ODR4: variants seen among roughly 807,000 people sequenced by gnomAD.
The protein encoded by ODR4 is protein odr-4 homolog.
In ODR4, 47 loss-of-function variants were observed where a neutral mutation model predicts 60.2. That is an observed-to-expected ratio of 0.78 (90% CI 0.62 to 1.00). The LOEUF is 1.00. Among genes scored for constraint, ODR4 ranks in the 50% least tolerant of loss-of-function variants. The pLI, the probability that ODR4 is intolerant of heterozygous loss-of-function variation, is 0.00. For missense variants in ODR4, 488 were observed against 530.8 expected, an observed-to-expected ratio of 0.92 and a Z score of 0.79; for synonymous variants, 178 against 175.5, an observed-to-expected ratio of 1.01 and a Z score of -0.11.
chr1:186,378,632 G>A (rs560225022), intron 1 of ODR4, among the ~76,000 whole-genome samples: 3 of 152,170 alleles, frequency 2.0e-5, no homozygotes, highest in East Asian at 1.9e-4. Flanking sequence ...CATTATGAGC[G>A]TGGTGTTGAA....
At chr1:186,383,678 G>GAGATATAT (rs141878801) in intron 3 of ODR4, among the ~76,000 whole-genome samples, 5 of 140,770 alleles carry the variant, frequency 3.6e-5, no homozygotes, top group African/African-American at 1.3e-4. Flanking sequence ...TGTGTATGTA[G>GAGATATAT]ATATATATAT....
At chr1:186,418,222 T>A (rs186115937) in intron 13 of ODR4, among the ~76,000 whole-genome samples, 1 of 152,040 alleles carries the variant, frequency 6.6e-6, no homozygotes, top group South Asian at 2.1e-4. Context: ...TAAATTTAAT[T>A]AATTTTTTTG....
chr1:186,433,591 A>T, the ODR4 span, among the ~76,000 whole-genome samples: 1 of 151,840 alleles, frequency 6.6e-6, no homozygotes, highest in African/African-American at 2.4e-5. Context: ...TTTTATTATT[A>T]TTATTTTGAG....
intron 2 of ODR4, among the ~76,000 whole-genome samples, chr1:186,382,105 A>G (rs985055628): frequency 1.3e-5 from 2 of 152,064 alleles, no homozygotes; most frequent in African/African-American, 2.4e-5. Context: ...TACTTAACTG[A>G]TATTACAGCT....
chr1:186,379,547 C>G (rs1558055984), intron 1 of ODR4, among the ~76,000 whole-genome samples: 1 of 151,716 alleles, frequency 6.6e-6, no homozygotes, highest in African/African-American at 2.4e-5. Context: ...CATGTCAACT[C>G]TGGTTGATTT....
In ODR4 at chr1:186,414,084, A is replaced by G. The variant is rs562694504; in HGVS notation, c.1187-3460A>G. On this transcript the variant is annotated intron_variant, in intron 12 of 13. Transcript: ENST00000287859. ...AATATATTAAAATATTGGTGAAATA[A>G]CACAGTGCCTGAGATTTGGTTTAAA... 2.0e-5 allele frequency among the ~76,000 whole-genome samples: 3 copies of G among 152,324 alleles called. No homozygotes were observed. The South Asian group carries it at 6.2e-4, about 32-fold the overall frequency.
At chr1:186,429,183 C>T in the ODR4 span, among the ~76,000 whole-genome samples, 4 of 151,768 alleles carry the variant, frequency 2.6e-5, no homozygotes, top group African/African-American at 7.3e-5. Context: ...CCTGGGAGGC[C>T]GAGGCTGCAG....
chr1:186,424,962 C>T (rs1661858993), downstream of ODR4, among the ~76,000 whole-genome samples: 2 of 146,034 alleles, frequency 1.4e-5, no homozygotes, highest in Non-Finnish European at 3.0e-5. Flanking sequence ...CAGGGTCAGC[C>T]TAGATTAAAG....
chr1:186,381,419 T>A (rs1294649219), intron 2 of ODR4, among the ~76,000 whole-genome samples: 2 of 151,456 alleles, frequency 1.3e-5, no homozygotes, highest in African/African-American at 4.9e-5. Flanking sequence ...CTCCGCCCCC[T>A]GGGGTTCACG....
chr1:186,419,252 C>CT lies in ODR4; in HGVS notation c.*179dup. 1 of 611,834 alleles carries CT rather than the reference C, an allele frequency of 1.6e-6. No individual in the cohort carries two copies. The highest frequency in any genetic ancestry group is 2.8e-5 in the East Asian group (1 of 35,784). The allele number at this position is 611,834 out of a possible 1,614,324, so 37.9% of individuals were successfully genotyped here. Reference sequence around the variant, plus strand: ...ATCACAAGCTGCCTTGTTTAGCCTGCTTTACATTGTAGGTGGCCCGCATTT... The same window carrying CT: ...ATCACAAGCTGCCTTGTTTAGCCTGCTTTTACATTGTAGGTGGCCCGCATTT... On this transcript the variant is annotated 3_prime_UTR_variant, in exon 14 of 14. Transcript: ENST00000287859.
At chr1:186,402,073 TTC>T (rs1359335944) in intron 11 of ODR4, among the ~76,000 whole-genome samples, 1 of 151,848 alleles carries the variant, frequency 6.6e-6, no homozygotes, top group Non-Finnish European at 1.5e-5. Context: ...CTGTCTTCTT[TTC>T]TCTCTCTCTC....
the ODR4 span, among the ~76,000 whole-genome samples, chr1:186,427,753 T>C: frequency 1.3e-5 from 2 of 152,212 alleles, no homozygotes; most frequent in African/African-American, 4.8e-5. Flanking sequence ...CAAAATGTAT[T>C]TCTTAAATAA....
intron 3 of ODR4, among the ~76,000 whole-genome samples, chr1:186,384,177 A>T (rs1167350833): frequency 6.6e-6 from 1 of 152,178 alleles, no homozygotes; most frequent in East Asian, 1.9e-4. Flanking sequence ...TGGCTGCAAG[A>T]TTGAGCATCT....
At chr1:186,386,588 G>A (rs906606616) in intron 4 of ODR4, among the ~76,000 whole-genome samples, 1 of 152,030 alleles carries the variant, frequency 6.6e-6, no homozygotes, top group African/African-American at 2.4e-5. Flanking sequence ...CATCTTTGTG[G>A]AAGTAATTCT....
At chr1:186,424,047 A>G (rs1661843537), downstream of ODR4, among the ~76,000 whole-genome samples, 1 of 152,200 alleles carries the variant, frequency 6.6e-6, no homozygotes, top group Non-Finnish European at 1.5e-5. Context: ...ATTCACGTAC[A>G]CTAACCATTC....
At chr1:186,418,911 T>C (rs1185852120) in intron 13 of ODR4, 98 bp from the exon 14 acceptor site, 1 of 946,580 alleles carries the variant, frequency 1.1e-6, no homozygotes, top group Non-Finnish European at 1.7e-6. Flanking sequence ...TATTGTTTTT[T>C]AGGCCCATCA....
At chr1:186,402,174 T>G (rs960506095) in intron 11 of ODR4, among the ~76,000 whole-genome samples, 2 of 92,762 alleles carry the variant, frequency 2.2e-5, no homozygotes, top group Non-Finnish European at 4.9e-5. Flanking sequence ...ACAAATAACT[T>G]TATAGGCATC....
chr1:186,414,942 A>G (rs1019750595), intron 12 of ODR4, among the ~76,000 whole-genome samples: 1 of 152,192 alleles, frequency 6.6e-6, no homozygotes, highest in Non-Finnish European at 1.5e-5. Flanking sequence ...AGTTGGAAGA[A>G]ATTTTAAATT....
At chr1:186,426,351 C>A (rs1661879378), downstream of ODR4, among the ~76,000 whole-genome samples, 2 of 152,202 alleles carry the variant, frequency 1.3e-5, no homozygotes, top group African/African-American at 4.8e-5. Flanking sequence ...GGCCCTGCTC[C>A]ACGTGATGCT....
Sources: gnomAD v4.1 joint callset for allele counts (sites outside exome capture counted in the v4.1 genomes callset) on GRCh38, gnomAD v4.1.1 for gene constraint, MANE v1.5 for transcripts, NCBI Gene and HGNC (gene_info 2026-07-23, HGNC 2026-07-21) for gene names.